The following HIVEP2 variants were observed in gnomAD, a reference collection of about 807,000 sequenced individuals.
The protein encoded by HIVEP2 is HIVEP zinc finger 2.
HIVEP2 carries 14 observed loss-of-function variants against 180.7 expected under a neutral mutation model. The observed-to-expected ratio is 0.08, with a 90% confidence interval of 0.05 to 0.12. HIVEP2 has a LOEUF of 0.12. Ranked by LOEUF, HIVEP2 falls within the 10% of genes least tolerant of loss-of-function variation. The pLI, the probability that HIVEP2 is intolerant of heterozygous loss-of-function variation, is 1.00. For synonymous variants in HIVEP2, 1,184 were observed against 1,136.4 expected, an observed-to-expected ratio of 1.04 and a Z score of -0.84; for missense variants, 2,579 against 3,008.5, an observed-to-expected ratio of 0.86 and a Z score of 3.34.
At chr6:142,846,143 G>A (rs1408737176) in intron 1 of HIVEP2, among the ~76,000 whole-genome samples, 28 of 152,222 alleles carry the variant, frequency 1.8e-4, no homozygotes, top group Admixed American at 1.8e-3. Context: ...GCCTGAGAGC[G>A]GCAGGGGAGT....
chr6:142,793,673 T>TTCTTTCTCTCTCTCTCTCTCTCTCTCTC (rs1289211652), intron 2 of HIVEP2, among the ~76,000 whole-genome samples: 3 of 107,424 alleles, frequency 2.8e-5, no homozygotes, highest in African/African-American at 7.4e-5. Flanking sequence ...CTTTCTTTCT[T>TTCTTTCTCTCTCTCTCTCTCTCTCTCTC]TCTCTCTCTC....
At chr6:142,918,683 T>A (rs1013762355) in intron 1 of HIVEP2, among the ~76,000 whole-genome samples, 1 of 152,212 alleles carries the variant, frequency 6.6e-6, no homozygotes, top group Non-Finnish European at 1.5e-5. Context: ...AAAAACATAA[T>A]GTTCTTTCAC....
At chr6:142,912,894 G>A (rs1371096401) in intron 1 of HIVEP2, among the ~76,000 whole-genome samples, 4 of 152,246 alleles carry the variant, frequency 2.6e-5, no homozygotes, top group African/African-American at 9.6e-5. Flanking sequence ...CTACGAGGTA[G>A]ATGCTTAGGT....
At chr6:142,852,667 T>C (rs1775715297) in intron 1 of HIVEP2, among the ~76,000 whole-genome samples, 1 of 152,218 alleles carries the variant, frequency 6.6e-6, no homozygotes, top group African/African-American at 2.4e-5. Flanking sequence ...GTTTCAAAAC[T>C]CATCAGCATA....
At chr6:142,845,442 T>C (rs1582907835) in intron 1 of HIVEP2, among the ~76,000 whole-genome samples, 2 of 152,264 alleles carry the variant, frequency 1.3e-5, no homozygotes, top group South Asian at 2.1e-4. Context: ...TGTGTGTATA[T>C]ATACGTATGT....
chr6:142,826,396 A>C (rs1774902420), intron 2 of HIVEP2, among the ~76,000 whole-genome samples: 1 of 152,182 alleles, frequency 6.6e-6, no homozygotes, highest in African/African-American at 2.4e-5. Context: ...AATTCCGACC[A>C]TGATCACTGG....
intron 9 of HIVEP2, among the ~76,000 whole-genome samples, chr6:142,754,963 A>C (rs557266694): frequency 6.6e-6 from 1 of 152,334 alleles, no homozygotes; most frequent in South Asian, 2.1e-4. Context: ...TTGTCATCTA[A>C]AAAGGACTTC....
intron 1 of HIVEP2, among the ~76,000 whole-genome samples, chr6:142,850,027 C>T (rs975059510): frequency 6.6e-6 from 1 of 152,048 alleles, no homozygotes; most frequent in Admixed American, 6.6e-5. Flanking sequence ...GTCAAAGACC[C>T]AAAAGATGTC....
chr6:142,878,769 G>A (rs1776508844), intron 1 of HIVEP2, among the ~76,000 whole-genome samples: 1 of 152,128 alleles, frequency 6.6e-6, no homozygotes, highest in African/African-American at 2.4e-5. Context: ...TGACTGTAGG[G>A]ACACTGAGAG....
At chr6:142,874,996 C>T (rs979263893) in intron 1 of HIVEP2, among the ~76,000 whole-genome samples, 5 of 152,114 alleles carry the variant, frequency 3.3e-5, no homozygotes, top group Non-Finnish European at 7.4e-5. Flanking sequence ...ATGTCAGTGA[C>T]CTCAGGGAGT....
rs1371064073 is a variant in HIVEP2, at chr6:142,845,440, T to C, written c.-640-8393A>G. 3.3e-5 allele frequency among the ~76,000 whole-genome samples: 5 copies of C among 152,364 alleles called. No individual in the cohort carries two copies. The East Asian group carries it at 9.6e-4, about 29-fold the overall frequency. Reference sequence around the variant, plus strand: ...TCTCTCTTCAAAGTGTGTGTGTGTATATATACGTATGTCTTTTGACTAATT... The same window carrying C: ...TCTCTCTTCAAAGTGTGTGTGTGTACATATACGTATGTCTTTTGACTAATT... On this transcript the variant is annotated intron_variant, in intron 1 of 9. Transcript: ENST00000367603.
At chr6:142,839,062 C>T (rs945967358) in intron 1 of HIVEP2, among the ~76,000 whole-genome samples, 1 of 152,048 alleles carries the variant, frequency 6.6e-6, no homozygotes, top group Non-Finnish European at 1.5e-5. Context: ...GCACTAAGTA[C>T]AAAATATATT....
intron 1 of HIVEP2, among the ~76,000 whole-genome samples, chr6:142,850,962 G>A (rs560765144): frequency 3.3e-5 from 5 of 152,296 alleles, no homozygotes; most frequent in African/African-American, 1.2e-4. Context: ...GGTTTGTGTT[G>A]TATGATCATA....
At chr6:142,846,352 T>G (rs931889137) in intron 1 of HIVEP2, among the ~76,000 whole-genome samples, 1 of 152,214 alleles carries the variant, frequency 6.6e-6, no homozygotes, top group Admixed American at 6.5e-5. Context: ...CAACGCAAGC[T>G]TAATGCACTC....
At chr6:142,911,849 G>A (rs969666529) in intron 1 of HIVEP2, among the ~76,000 whole-genome samples, 1 of 152,112 alleles carries the variant, frequency 6.6e-6, no homozygotes, top group Non-Finnish European at 1.5e-5. Flanking sequence ...TGTGTGTGTC[G>A]AGGGTATCAC....
At position 142,797,834 on chromosome 6, in the gene HIVEP2, TC is replaced by T. The variant is rs1381137831; in HGVS notation, c.-527-14220del. Among the ~76,000 whole-genome samples the T allele has an allele frequency of 1.1e-3, 175 of 152,250 alleles. 1 individual carries two copies. The highest frequency in any genetic ancestry group is 4.1e-3 in the African/African-American group (171 of 41,578). On this transcript the variant is annotated intron_variant, in intron 2 of 9. Transcript: ENST00000367603. ...GAAGAAATCATAGTATACATAGGATTCAGTACCCTCTATGGTTTCAGGCATT... is the reference window on the plus strand; with the variant it reads ...GAAGAAATCATAGTATACATAGGATTAGTACCCTCTATGGTTTCAGGCATT...
rs1189747867 is a variant in HIVEP2 at position 142,779,078 on chromosome 6, C to G, written c.-432-2887G>C. On this transcript the variant is annotated intron_variant, in intron 3 of 9. Coordinates refer to ENST00000367603, the MANE Select transcript of HIVEP2 (RefSeq NM_006734.4). ...ATAAAGTCTCATGCCAGACTGTTTT[C>G]TTTTGTTCTTTGAAAATCATTACTT... 7.9e-5 allele frequency among the ~76,000 whole-genome samples: 12 copies of G among 152,236 alleles called. No individual in the cohort carries two copies. The East Asian group carries it at 2.1e-3, about 27-fold the overall frequency.
At chr6:142,846,652 G>T (rs1216645238) in intron 1 of HIVEP2, among the ~76,000 whole-genome samples, 2 of 152,200 alleles carry the variant, frequency 1.3e-5, no homozygotes, top group Admixed American at 1.3e-4. Flanking sequence ...GAACCTCTCA[G>T]TCACAAAGAT....
At chr6:142,757,023 T>G (rs1775094263) in intron 9 of HIVEP2, among the ~76,000 whole-genome samples, 2 of 152,190 alleles carry the variant, frequency 1.3e-5, no homozygotes, top group African/African-American at 2.4e-5. Context: ...CATATGTGTA[T>G]ATGTGTGCAT....
Sources: allele counts gnomAD v4.1 joint callset (sites outside exome capture counted in the v4.1 genomes callset), GRCh38; gene constraint gnomAD v4.1.1; transcripts MANE v1.5; gene names NCBI Gene and HGNC (gene_info 2026-07-23, HGNC 2026-07-21).